The following GPR153 variants were observed in gnomAD, a reference collection of about 807,000 sequenced individuals.
GPR153 encodes the protein probable G protein-coupled receptor 153.
A neutral mutation model predicts 34.1 loss-of-function variants in GPR153; 27 were observed. That is an observed-to-expected ratio of 0.79 (90% confidence interval 0.58 to 1.09). The LOEUF (loss-of-function observed/expected upper bound fraction) is 1.09, where lower values mean the gene tolerates loss of function less well. Among genes scored for constraint, GPR153 ranks in the 50% least tolerant of loss-of-function variants. The pLI, the probability that GPR153 is intolerant of heterozygous loss-of-function variation, is 0.00. For synonymous variants in GPR153, 408 were observed against 405.4 expected (o/e 1.01, Z -0.08); for missense variants, 848 against 860.2 (o/e 0.99, Z 0.18).
chr1:6,258,531 G>C (rs846113), intron 1 of GPR153, among the ~76,000 whole-genome samples: 152,337 of 152,344 alleles, frequency 1, 76,165 homozygotes, highest in Middle Eastern at 1. Flanking sequence ...CTGGGGCAGA[G>C]TAGCCTCAGG....
In GPR153 at chr1:6,251,218, C is replaced by T; in HGVS notation, c.979+120G>A. 1 of 789,012 alleles carries T rather than the reference C, an allele frequency of 1.3e-6. No homozygotes were observed. The highest frequency in any genetic ancestry group is 1.7e-5 in the South Asian group (1 of 58,342). 48.9% of individuals were successfully genotyped at this position (789,012 alleles called of 1,614,324 possible). Reference sequence around the variant, plus strand: ...TACATTTGGGGGTGACACGGGGTGTCTGGTGGTTGAGAATGAAGTCACCTC... The same window carrying T: ...TACATTTGGGGGTGACACGGGGTGTTTGGTGGTTGAGAATGAAGTCACCTC... On this transcript the variant is annotated intron_variant, in intron 4 of 5. Coordinates refer to ENST00000377893, the MANE Select transcript of GPR153 (RefSeq NM_207370.4). The surrounding 1 kb of genome is among the most constrained non-coding windows in gnomAD (Gnocchi z 4.9).
chr1:6,254,756 C>T lies in GPR153; in HGVS notation c.150G>A (p.Ala50=), dbSNP rs781729982. The change falls in exon 2 of 6, where the codon GCG becomes GCA. Residue 50 remains alanine (A), a synonymous_variant. Coordinates refer to ENST00000377893, the MANE Select transcript of GPR153 (RefSeq NM_207370.4). ...KPLEFLLCTL[A]ATHMLNVAVP... is the part of the protein sequence containing the mutation. ...CGGCCACATTTAGCATGTGGGTGGC[C>T]GCGAGTGTACACAGCAGGAACTCCA... is the stretch of plus-strand genomic sequence containing the variant. 1.4e-5 allele frequency: 22 copies of T among 1,613,618 alleles called. 1 individual carries two copies. Among genetic ancestry groups the T allele is most frequent in the East Asian group, 1.3e-4 (6 of 44,882 alleles).
chr1:6,250,111 G>A (rs1638408233), intron 5 of GPR153, 108 bp from the exon 6 acceptor site: 1 of 1,306,116 alleles, frequency 7.7e-7, no homozygotes, highest in Non-Finnish European at 9.8e-7. Context: ...ACCAGGCTGC[G>A]CGCTGGGGCA....
intron 1 of GPR153, among the ~76,000 whole-genome samples, chr1:6,260,449 T>A (rs1233903769): frequency 7.5e-6 from 1 of 133,562 alleles, no homozygotes; most frequent in Non-Finnish European, 1.6e-5. Flanking sequence ...GTGCCCCGAG[T>A]CCTGCCCCAC....
In GPR153 at chr1:6,254,768, C is replaced by T. The variant is rs1638528295; in HGVS notation, c.138G>A (p.Leu46=). The change falls in exon 2 of 6, where the codon CTG becomes CTA. Residue 46 remains leucine (L), a synonymous_variant. Coordinates refer to ENST00000377893, the MANE Select transcript of GPR153 (RefSeq NM_207370.4). ...QKKWKPLEFL[L]CTLAATHMLN... ...GCATGTGGGTGGCCGCGAGTGTACACAGCAGGAACTCCAAGGGCTTCCACT... is the reference window on the plus strand; with the variant it reads ...GCATGTGGGTGGCCGCGAGTGTACATAGCAGGAACTCCAAGGGCTTCCACT... The T allele has an allele frequency of 6.2e-7, 1 of 1,613,816 alleles. No individual in the cohort carries two copies. Among genetic ancestry groups the T allele is most frequent in the Non-Finnish European group, 8.5e-7 (1 of 1,179,944 alleles).
intron 1 of GPR153, among the ~76,000 whole-genome samples, chr1:6,258,842 G>A (rs968176845): frequency 2.6e-5 from 4 of 152,092 alleles, no homozygotes; most frequent in African/African-American, 4.8e-5. Context: ...CGCCCACCCT[G>A]TCCATGTGTT....
intron 1 of GPR153, among the ~76,000 whole-genome samples, chr1:6,256,266 A>C (rs2100992070): frequency 6.6e-6 from 1 of 152,318 alleles, no homozygotes; most frequent in Admixed American, 6.5e-5. Flanking sequence ...AGCACAGACC[A>C]GGCCTTGCCA....
In GPR153 at chr1:6,255,252, G is replaced by C. The variant is rs542879425; in HGVS notation, c.-109-238C>G. 4.0e-5 allele frequency among the ~76,000 whole-genome samples: 6 copies of C among 151,354 alleles called. No homozygotes were observed. The South Asian group carries it at 1.3e-3, about 32-fold the overall frequency. ...CTCGCTCCGTAGCCCAGGCTGGAGT[G>C]CAGTGGCGCAATCTCAGCTCACTGC... is the stretch of plus-strand genomic sequence containing the variant. On this transcript the variant is annotated intron_variant, in intron 1 of 5. Transcript: ENST00000377893.
At position 6,251,659 on chromosome 1, in the gene GPR153, T is replaced by G; in HGVS notation, c.787-129A>C. 9.3e-7 allele frequency: 1 copy of G among 1,073,238 alleles called. No homozygotes were observed. Among genetic ancestry groups the G allele is most frequent in the East Asian group, 2.7e-5 (1 of 37,134 alleles). The allele number at this position is 1,073,238 out of a possible 1,614,324, so 66.5% of individuals were successfully genotyped here. A position where few individuals can be genotyped will look rare whatever the true frequency, so the allele number is the denominator to read the frequency against. On this transcript the variant is annotated intron_variant, in intron 3 of 5. Transcript: ENST00000377893. The surrounding 1 kb of genome is among the most constrained non-coding windows in gnomAD (Gnocchi z 4.9). ...GGTATCTGCCAAGGAGAAGGGGCCCTTGGGGAGAAAAGAGCTGGAGCGTGG... is the reference window on the plus strand; with the variant it reads ...GGTATCTGCCAAGGAGAAGGGGCCCGTGGGGAGAAAAGAGCTGGAGCGTGG...
In GPR153 at chr1:6,254,786, C is replaced by T; in HGVS notation, c.120G>A (p.Lys40=). 1 of 1,613,678 alleles carries T rather than the reference C, an allele frequency of 6.2e-7. No individual in the cohort carries two copies. The highest frequency in any genetic ancestry group is 8.5e-7 in the Non-Finnish European group (1 of 1,179,936). ...GTGTACACAGCAGGAACTCCAAGGG[C>T]TTCCACTTCTTCTGCTTGGCGCCAA... ...LSVGAKQKKW[K]PLEFLLCTLA... is the part of the protein sequence containing the mutation. Residue 40 remains lysine (K), a synonymous_variant, in exon 2 of 6, where the codon AAG becomes AAA. Coordinates refer to ENST00000377893, the MANE Select transcript of GPR153 (RefSeq NM_207370.4).
chr1:6,255,162 G>A (rs1638538528), intron 1 of GPR153, 148 bp from the exon 2 acceptor site: 1 of 405,126 alleles, frequency 2.5e-6, no homozygotes, highest in Non-Finnish European at 4.3e-6. Flanking sequence ...AACGTGTTGA[G>A]ATTTAATTGC....
chr1:6,250,017 G>A lies in GPR153; in HGVS notation c.1165-14C>T. ...CGTGGGCGGGACCTGTCAGGACGCG[G>A]CTGGCTTTTACCCCGAGCTGCCCTC... is the stretch of plus-strand genomic sequence containing the variant. On this transcript the variant is annotated splice_polypyrimidine_tract_variant and intron_variant, in intron 5 of 5. Transcript: ENST00000377893. 2.4e-6 allele frequency: 3 copies of A among 1,256,572 alleles called. No homozygotes were observed. Among genetic ancestry groups the A allele is most frequent in the Non-Finnish European group, 3.0e-6 (3 of 994,172 alleles). 77.8% of individuals were successfully genotyped at this position (1,256,572 alleles called of 1,614,324 possible). A position where few individuals can be genotyped will look rare whatever the true frequency, so the allele number is the denominator to read the frequency against.
At chr1:6,258,451 A>G (rs934950524) in intron 1 of GPR153, among the ~76,000 whole-genome samples, 2 of 152,158 alleles carry the variant, frequency 1.3e-5, no homozygotes, top group African/African-American at 2.4e-5. Flanking sequence ...TTATGGGCCA[A>G]GACACTGAGC....
At chr1:6,259,866 C>T (rs1638633367) in intron 1 of GPR153, among the ~76,000 whole-genome samples, 1 of 152,190 alleles carries the variant, frequency 6.6e-6, no homozygotes, top group Non-Finnish European at 1.5e-5. Context: ...CCAGGCTGGG[C>T]TCCCCACAGT....
chr1:6,251,586 T>C lies in GPR153; in HGVS notation c.787-56A>G. 3 of 1,478,534 alleles carry C rather than the reference T, an allele frequency of 2.0e-6. No individual in the cohort carries two copies. The highest frequency in any genetic ancestry group is 4.4e-5 in the Admixed American group (2 of 45,546). The allele number at this position is 1,478,534 out of a possible 1,614,324, so 91.6% of individuals were successfully genotyped here. A position where few individuals can be genotyped will look rare whatever the true frequency, so the allele number is the denominator to read the frequency against. ...CAGGACCCCCCACCATCACACAAGC[T>C]CCCCCTGAGTCTCGGTCTCCCCATG... On this transcript the variant is annotated intron_variant, in intron 3 of 5. Transcript: ENST00000377893. The surrounding 1 kb of genome is among the most constrained non-coding windows in gnomAD (Gnocchi z 4.9).
intron 1 of GPR153, among the ~76,000 whole-genome samples, chr1:6,258,819 G>A (rs566268520): frequency 2.0e-4 from 31 of 152,294 alleles, no homozygotes; most frequent in African/African-American, 7.2e-4. Context: ...GTCTAGCCCC[G>A]TGACCTTGGC....
At chr1:6,252,954 A>G (rs1638481768) in intron 3 of GPR153, among the ~76,000 whole-genome samples, 1 of 151,920 alleles carries the variant, frequency 6.6e-6, no homozygotes, top group Non-Finnish European at 1.5e-5. Flanking sequence ...TCCCCAACAG[A>G]CATTTGAGGC....
At position 6,249,158 on chromosome 1, in the gene GPR153, G is replaced by T; in HGVS notation, c.*180C>A. 1 of 439,940 alleles carries T rather than the reference G, an allele frequency of 2.3e-6. No homozygotes were observed. The allele number at this position is 439,940 out of a possible 1,614,324, so 27.3% of individuals were successfully genotyped here. On this transcript the variant is annotated 3_prime_UTR_variant, in exon 6 of 6. Transcript: ENST00000377893. The surrounding 1 kb of genome is among the most constrained non-coding windows in gnomAD (Gnocchi z 4.3). ...CCCAGCGCAGTCGTCCGGGGCAGCC[G>T]TCGCCCCTGGGACAAGGCCAGCTGG...
chr1:6,255,595 C>T (rs923326728), intron 1 of GPR153, among the ~76,000 whole-genome samples: 2 of 146,786 alleles, frequency 1.4e-5, no homozygotes, highest in South Asian at 2.1e-4. Flanking sequence ...CCCACTCAGC[C>T]TTCCAAGTAG....
Sources: gnomAD v4.1 joint callset for allele counts (sites outside exome capture counted in the v4.1 genomes callset) on GRCh38, gnomAD v4.1.1 for gene constraint, Gnocchi (gnomAD v3.1) non-coding constraint, MANE v1.5 for transcripts, NCBI Gene and HGNC (gene_info 2026-07-23, HGNC 2026-07-21) for gene names.